Variants in KCNIP4 observed in about 807,000 individuals in gnomAD.
The protein encoded by KCNIP4 is Kv channel-interacting protein 4.
A neutral mutation model predicts 34.0 loss-of-function variants in KCNIP4; 12 were observed. The ratio of observed to expected loss-of-function variants is 0.35; its 90% CI spans 0.23 to 0.57. The LOEUF is 0.57. Among genes scored for constraint, KCNIP4 ranks in the 20% least tolerant of loss-of-function variants. The pLI, the probability that KCNIP4 is intolerant of heterozygous loss-of-function variation, is 0.83. For synonymous variants in KCNIP4, 124 were observed against 102.2 expected, an observed-to-expected ratio of 1.21 and a Z score of -1.29; for missense variants, 238 against 311.7, an observed-to-expected ratio of 0.76 and a Z score of 1.78.
At chr4:21,320,416 G>C (rs1714246993) in intron 1 of KCNIP4, among the ~76,000 whole-genome samples, 1 of 152,144 alleles carries the variant, frequency 6.6e-6, no homozygotes, top group African/African-American at 2.4e-5. Flanking sequence ...AGAAGGGCTT[G>C]GCATAGGTGA....
intron 1 of KCNIP4, among the ~76,000 whole-genome samples, chr4:21,832,351 T>C (rs1224392186): frequency 1.3e-5 from 2 of 152,110 alleles, no homozygotes; most frequent in African/African-American, 4.8e-5. Context: ...TATTCTATTT[T>C]TATAAGGGTG....
intron 1 of KCNIP4, among the ~76,000 whole-genome samples, chr4:20,954,189 T>C (rs942434354): frequency 6.6e-6 from 1 of 152,140 alleles, no homozygotes; most frequent in Non-Finnish European, 1.5e-5. Flanking sequence ...CTCAAAGTAA[T>C]AAACAGAGTT....
intron 1 of KCNIP4, among the ~76,000 whole-genome samples, chr4:21,598,434 T>C (rs116321750): frequency 6.4e-4 from 97 of 152,192 alleles, no homozygotes; most frequent in African/African-American, 2.0e-3. Flanking sequence ...AACCCTGCAG[T>C]TGTAGTACAA....
intron 1 of KCNIP4, among the ~76,000 whole-genome samples, chr4:21,066,514 A>G (rs1271790760): frequency 1.4e-5 from 2 of 140,814 alleles, no homozygotes; most frequent in African/African-American, 2.6e-5. Flanking sequence ...CCCTCCCCCC[A>G]TCCCCCGCAT....
intron 1 of KCNIP4, among the ~76,000 whole-genome samples, chr4:21,350,670 G>A (rs543756236): frequency 1.8e-4 from 28 of 152,282 alleles, no homozygotes; most frequent in African/African-American, 6.3e-4. Context: ...TTTCCTAGAA[G>A]AAGGTATTGA....
chr4:20,869,325 TC>T (rs1475979678), intron 2 of KCNIP4, among the ~76,000 whole-genome samples: 72 of 151,950 alleles, frequency 4.7e-4, no homozygotes, highest in Non-Finnish European at 5.9e-5. Context: ...TGGCCTTAAT[TC>T]CCCCACATGT....
intron 3 of KCNIP4, among the ~76,000 whole-genome samples, chr4:20,763,396 A>G (rs1755105178): frequency 6.6e-6 from 1 of 152,160 alleles, no homozygotes. Context: ...AGGCTAATGA[A>G]GATTTGGTGA....
At chr4:21,920,244 T>G (rs867603484) in intron 1 of KCNIP4, among the ~76,000 whole-genome samples, 2 of 152,188 alleles carry the variant, frequency 1.3e-5, no homozygotes, top group South Asian at 2.1e-4. Flanking sequence ...GTTGACTTTT[T>G]GTATCTGTAG....
intron 1 of KCNIP4, among the ~76,000 whole-genome samples, chr4:21,364,420 C>T (rs893630078): frequency 4.6e-5 from 7 of 151,964 alleles, no homozygotes; most frequent in African/African-American, 1.5e-4. Context: ...AGAGCTATAA[C>T]AGTAGTGCAG....
chr4:20,877,465 A>G (rs1468297899), intron 2 of KCNIP4, among the ~76,000 whole-genome samples: 2 of 152,216 alleles, frequency 1.3e-5, no homozygotes, highest in East Asian at 3.9e-4. Context: ...GTTGGAAAGT[A>G]CTGGATTTGG....
rs1249743409 is a variant in KCNIP4, at chr4:21,234,261, CATATATAACATATATT to C, written c.62-351568_62-351553del. On this transcript the variant is annotated intron_variant, in intron 1 of 8. Coordinates refer to ENST00000382152, the MANE Select transcript of KCNIP4 (RefSeq NM_025221.6). ...TATATATAACATATATTATATATAA[CATATATAACATATATT>C]ATATATAACATATATTATATATAAC... Among the ~76,000 whole-genome samples, 48 of 110,680 alleles carry C rather than the reference CATATATAACATATATT, an allele frequency of 4.3e-4. 7 individuals are homozygous for C. The highest frequency in any genetic ancestry group is 2.6e-3 in the South Asian group (9 of 3,448). 72.6% of individuals were successfully genotyped at this position (110,680 alleles called of 152,430 possible).
At chr4:21,820,312 T>C (rs867077136) in intron 1 of KCNIP4, among the ~76,000 whole-genome samples, 13 of 138,368 alleles carry the variant, frequency 9.4e-5, no homozygotes, top group African/African-American at 3.5e-4. Flanking sequence ...TATATATATA[T>C]ATATATATAT....
chr4:21,174,722 T>C (rs1754271949), intron 1 of KCNIP4, among the ~76,000 whole-genome samples: 1 of 151,938 alleles, frequency 6.6e-6, no homozygotes, highest in African/African-American at 2.4e-5. Flanking sequence ...CTGGCCAACA[T>C]GGTGAAACCT....
intron 1 of KCNIP4, among the ~76,000 whole-genome samples, chr4:20,956,413 G>A (rs1733306966): frequency 6.6e-6 from 1 of 151,970 alleles, no homozygotes; most frequent in Non-Finnish European, 1.5e-5. Context: ...GCTGAGGCAG[G>A]AGAATGGCAT....
chr4:21,302,956 T>C (rs1211357184), intron 1 of KCNIP4, among the ~76,000 whole-genome samples: 1 of 152,208 alleles, frequency 6.6e-6, no homozygotes, highest in African/African-American at 2.4e-5. Context: ...TCAAACATCA[T>C]CTAGAGCTTC....
chr4:21,455,831 A>C (rs1235886327), intron 1 of KCNIP4, among the ~76,000 whole-genome samples: 1 of 121,722 alleles, frequency 8.2e-6, no homozygotes, highest in African/African-American at 3.7e-5. Context: ...ATATATATAT[A>C]TATATATATA....
intron 1 of KCNIP4, among the ~76,000 whole-genome samples, chr4:20,951,442 A>C (rs1461855917): frequency 6.6e-6 from 1 of 152,236 alleles, no homozygotes; most frequent in Non-Finnish European, 1.5e-5. Context: ...TGATAAAATA[A>C]TACTAACGAG....
At position 21,234,072 on chromosome 4, in the gene KCNIP4, CATAACATATAACGTATATT is replaced by C. The variant is rs1281755406; in HGVS notation, c.62-351382_62-351364del. ...ATAACACATAACATATATAACATAA[CATAACATATAACGTATATT>C]ATATATAACATATATAACGTATATT... On this transcript the variant is annotated intron_variant, in intron 1 of 8. Transcript: ENST00000382152. 4.2e-3 allele frequency among the ~76,000 whole-genome samples: 392 copies of C among 92,566 alleles called. 21 individuals are homozygous for C. The highest frequency in any genetic ancestry group is 9.6e-3 in the African/African-American group (127 of 13,208). 60.7% of individuals were successfully genotyped at this position (92,566 alleles called of 152,430 possible).
intron 1 of KCNIP4, among the ~76,000 whole-genome samples, chr4:21,466,680 A>T (rs978170811): frequency 6.6e-6 from 1 of 152,172 alleles, no homozygotes; most frequent in Non-Finnish European, 1.5e-5. Context: ...TTGCTTCTGC[A>T]GTGTCCTGGA....
Sources: gnomAD v4.1 joint callset for allele counts (sites outside exome capture counted in the v4.1 genomes callset) on GRCh38, gnomAD v4.1.1 for gene constraint, MANE v1.5 for transcripts, NCBI Gene and HGNC (gene_info 2026-07-23, HGNC 2026-07-21) for gene names.